KDM4C: variants seen among roughly 807,000 people sequenced by gnomAD.
KDM4C encodes lysine demethylase 4C, also known as lysine-specific demethylase 4C.
Under a neutral mutation model 129.3 loss-of-function variants are expected in KDM4C, and 81 were observed. The observed-to-expected ratio is 0.63, with a 90% CI of 0.52 to 0.75. The LOEUF (loss-of-function observed/expected upper bound fraction) is 0.75, where lower values mean the gene tolerates loss of function less well. Ranked by LOEUF, KDM4C falls within the 30% of genes least tolerant of loss-of-function variation. KDM4C has a pLI of 0.00. For synonymous variants in KDM4C, 573 were observed against 456.1 expected, an observed-to-expected ratio of 1.26 and a Z score of -3.26; for missense variants, 1,457 against 1,304.0, an observed-to-expected ratio of 1.12 and a Z score of -1.81.
chr9:6,814,621 C>G lies in KDM4C; in HGVS notation c.321-10C>G, dbSNP rs372686531. 1 of 1,536,206 alleles carries G rather than the reference C, an allele frequency of 6.5e-7. No individual in the cohort carries two copies. Among genetic ancestry groups the G allele is most frequent in the Non-Finnish European group, 8.9e-7 (1 of 1,120,700 alleles). Reference sequence around the variant, plus strand: ...CTGGTTTGTACATTTTTGTCATCTACCTTTTACAGATATTGTACTCCAAGA... The same window carrying G: ...CTGGTTTGTACATTTTTGTCATCTAGCTTTTACAGATATTGTACTCCAAGA... On this transcript the variant is annotated splice_polypyrimidine_tract_variant and intron_variant, in intron 3 of 21. Coordinates refer to ENST00000381309, the MANE Select transcript of KDM4C (RefSeq NM_015061.6).
At chr9:6,771,517 G>C (rs1821839456) in intron 1 of KDM4C, among the ~76,000 whole-genome samples, 1 of 150,788 alleles carries the variant, frequency 6.6e-6, no homozygotes, top group Non-Finnish European at 1.5e-5. Context: ...CTCCATGTTG[G>C]TCAGGCCGGT....
chr9:6,834,708 T>G, intron 4 of KDM4C: 1 of 883,016 alleles, frequency 1.1e-6, no homozygotes, highest in Admixed American at 1.7e-5. Flanking sequence ...ATGGAGAAGA[T>G]CTGGCACCAC....
chr9:7,088,332 T>C (rs917349597), intron 17 of KDM4C, among the ~76,000 whole-genome samples: 3 of 152,240 alleles, frequency 2.0e-5, no homozygotes, highest in African/African-American at 7.2e-5. Context: ...ATTCTCTCTT[T>C]AATCCAGCTC....
chr9:6,747,995 T>G (rs1476942626), intron 1 of KDM4C, among the ~76,000 whole-genome samples: 1 of 151,670 alleles, frequency 6.6e-6, no homozygotes, highest in Non-Finnish European at 1.5e-5. Context: ...CTGGGCAATA[T>G]GGTGAAACCC....
intron 13 of KDM4C, among the ~76,000 whole-genome samples, chr9:7,012,719 C>CAT (rs1586906007): frequency 6.6e-6 from 1 of 152,272 alleles, no homozygotes; most frequent in East Asian, 1.9e-4. Flanking sequence ...CCTCAGCACT[C>CAT]AAACAGTTGA....
At chr9:7,071,606 T>C (rs1273345024) in intron 17 of KDM4C, among the ~76,000 whole-genome samples, 1 of 152,210 alleles carries the variant, frequency 6.6e-6, no homozygotes, top group Non-Finnish European at 1.5e-5. Flanking sequence ...ACTCATTTTA[T>C]GTACAAAAAT....
chr9:7,136,091 C>T (rs1469794723), intron 19 of KDM4C, among the ~76,000 whole-genome samples: 1 of 152,210 alleles, frequency 6.6e-6, no homozygotes, highest in Non-Finnish European at 1.5e-5. Flanking sequence ...GAGATGTCAA[C>T]TGGGTTACTG....
intron 17 of KDM4C, among the ~76,000 whole-genome samples, chr9:7,050,679 G>T (rs1248373613): frequency 6.6e-6 from 1 of 152,014 alleles, no homozygotes; most frequent in Non-Finnish European, 1.5e-5. Flanking sequence ...TATTACCAGT[G>T]CAGTGCCCCT....
At chr9:6,902,494 T>C (rs2130988959) in intron 8 of KDM4C, among the ~76,000 whole-genome samples, 1 of 152,266 alleles carries the variant, frequency 6.6e-6, no homozygotes, top group South Asian at 2.1e-4. Context: ...CTGGGGCAAA[T>C]GACATGTTTC....
intron 8 of KDM4C, among the ~76,000 whole-genome samples, chr9:6,974,605 G>A (rs185725899): frequency 7.2e-5 from 11 of 152,220 alleles, no homozygotes; most frequent in Admixed American, 1.3e-4. Flanking sequence ...TGCTCTGCCC[G>A]CTTCGGCCTC....
At chr9:6,960,857 A>G (rs1388531744) in intron 8 of KDM4C, among the ~76,000 whole-genome samples, 1 of 70,576 alleles carries the variant, frequency 1.4e-5, no homozygotes, top group Non-Finnish European at 2.6e-5. Context: ...TCCCCTAGGA[A>G]GCAAAAATCA....
At chr9:7,035,012 TTTTG>T (rs763297555) in intron 15 of KDM4C, among the ~76,000 whole-genome samples, 7 of 152,108 alleles carry the variant, frequency 4.6e-5, no homozygotes, top group African/African-American at 7.2e-5. Flanking sequence ...CTTTGTTTCT[TTTTG>T]TTTGTTTGTT....
intron 19 of KDM4C, among the ~76,000 whole-genome samples, chr9:7,136,547 C>T (rs930623379): frequency 3.3e-5 from 5 of 152,298 alleles, no homozygotes; most frequent in East Asian, 3.9e-4. Context: ...TGTTATTTCA[C>T]GGTATTGTAA....
rs746895922 is a variant in KDM4C, at chr9:6,849,614, C to T, written c.543C>T (p.Gly181=). 8.7e-6 allele frequency: 14 copies of T among 1,613,888 alleles called. No individual in the cohort carries two copies. The highest frequency in any genetic ancestry group is 5.0e-5 in the Admixed American group (3 of 60,006). The change falls in exon 5 of 22, where the codon GGC becomes GGT. Residue 181 remains glycine, a synonymous_variant. Transcript: ENST00000381309. The part of the protein sequence containing the change: ...EGVNTPYLYF[G]MWKTTFAWHT... ...TAAATACCCCATATCTCTATTTTGGCATGTGGAAGACCACGTTTGCATGGC... is the reference window on the plus strand; with the variant it reads ...TAAATACCCCATATCTCTATTTTGGTATGTGGAAGACCACGTTTGCATGGC...
intron 1 of KDM4C, among the ~76,000 whole-genome samples, chr9:6,747,430 C>T (rs1007287477): frequency 1.3e-5 from 2 of 150,738 alleles, no homozygotes; most frequent in Non-Finnish European, 2.9e-5. Context: ...CGCCTGTAGT[C>T]CCAACTACTC....
chr9:7,017,947 G>A (rs541007652), intron 15 of KDM4C, among the ~76,000 whole-genome samples: 1 of 152,230 alleles, frequency 6.6e-6, no homozygotes, highest in East Asian at 1.9e-4. Context: ...ATAAAAATAT[G>A]GACACTCTTT....
At chr9:7,088,043 T>C (rs10758823) in intron 17 of KDM4C, among the ~76,000 whole-genome samples, 122,500 of 152,230 alleles carry the variant, frequency 0.8, 49,670 homozygotes, top group East Asian at 1. Flanking sequence ...CTTAGATCTA[T>C]GAATCAGAAC....
chr9:6,959,492 A>G lies in KDM4C; in HGVS notation c.922-21433A>G, dbSNP rs1037160755. Among the ~76,000 whole-genome samples the G allele has an allele frequency of 4.6e-5, 7 of 152,184 alleles. No homozygotes were observed. In the East Asian group the frequency reaches 1.2e-3, roughly 25 times the overall value. The stretch of plus-strand genomic sequence containing the variant: ...CTGTCTTGCTTGTCGTTATCTTAGC[A>G]TAGTGCCACCTGATACACAGAAGCT... On this transcript the variant is annotated intron_variant, in intron 8 of 21. Coordinates refer to ENST00000381309, the MANE Select transcript of KDM4C (RefSeq NM_015061.6).
At chr9:6,865,103 G>C (rs1190994484) in intron 5 of KDM4C, among the ~76,000 whole-genome samples, 1 of 150,118 alleles carries the variant, frequency 6.7e-6, no homozygotes, top group South Asian at 2.1e-4. Flanking sequence ...CTGCCTCCCG[G>C]GTTCAAGCAA....
Sources: allele counts gnomAD v4.1 joint callset (sites outside exome capture counted in the v4.1 genomes callset), GRCh38; gene constraint gnomAD v4.1.1; transcripts MANE v1.5; gene names NCBI Gene and HGNC (gene_info 2026-07-23, HGNC 2026-07-21).